PTPRD: variants seen among roughly 807,000 people sequenced by gnomAD.
PTPRD encodes protein tyrosine phosphatase receptor type D.
Under a neutral mutation model 214.5 loss-of-function variants are expected in PTPRD, and 34 were observed. The ratio of observed to expected loss-of-function variants is 0.16; its 90% confidence interval spans 0.12 to 0.21. The LOEUF (loss-of-function observed/expected upper bound fraction) is 0.21, where lower values mean the gene tolerates loss of function less well. PTPRD is among the 10% of genes least tolerant of loss of function. The pLI, the probability that PTPRD is intolerant of heterozygous loss-of-function variation, is 1.00. For missense variants in PTPRD, 2,545 were observed against 2,398.7 expected (o/e 1.06, Z -1.27); for synonymous variants, 1,128 against 845.7 (o/e 1.33, Z -5.79).
At chr9:9,492,209 T>C (rs1382750825) in intron 8 of PTPRD, among the ~76,000 whole-genome samples, 1 of 150,136 alleles carries the variant, frequency 6.7e-6, no homozygotes, top group Non-Finnish European at 1.5e-5. Flanking sequence ...CAGGAACATA[T>C]GAATAGACCT....
At chr9:9,219,079 A>G (rs957864240) in intron 9 of PTPRD, among the ~76,000 whole-genome samples, 5 of 152,154 alleles carry the variant, frequency 3.3e-5, no homozygotes. Flanking sequence ...TGCCAATTAA[A>G]ATATATTACA....
intron 8 of PTPRD, among the ~76,000 whole-genome samples, chr9:9,436,225 A>C (rs1569568305): frequency 1.3e-5 from 2 of 152,128 alleles, no homozygotes; most frequent in East Asian, 3.9e-4. Flanking sequence ...CTGCATGATA[A>C]GCTTCTAGTT....
intron 2 of PTPRD, among the ~76,000 whole-genome samples, chr9:10,473,190 G>A (rs1347087563): frequency 7.0e-6 from 1 of 142,904 alleles, no homozygotes; most frequent in Non-Finnish European, 1.5e-5. Flanking sequence ...CTGTAATTTT[G>A]TCTTTTAAAG....
At chr9:9,870,571 T>C (rs2065157863) in intron 5 of PTPRD, among the ~76,000 whole-genome samples, 1 of 152,026 alleles carries the variant, frequency 6.6e-6, no homozygotes, top group African/African-American at 2.4e-5. Flanking sequence ...TTGAGATAAT[T>C]ATAGTAATTT....
chr9:8,922,386 T>C (rs746056617), intron 11 of PTPRD, among the ~76,000 whole-genome samples: 1 of 152,196 alleles, frequency 6.6e-6, no homozygotes, highest in Non-Finnish European at 1.5e-5. Flanking sequence ...CATGCACATA[T>C]ACACACATCA....
chr9:10,596,578 T>C (rs1430485238), intron 2 of PTPRD, among the ~76,000 whole-genome samples: 1 of 151,688 alleles, frequency 6.6e-6, no homozygotes, highest in Non-Finnish European at 1.5e-5. Context: ...AATGGCATAA[T>C]TTAATGATTA....
intron 18 of PTPRD, among the ~76,000 whole-genome samples, chr9:8,524,116 G>A (rs565448622): frequency 1.3e-5 from 2 of 151,444 alleles, no homozygotes; most frequent in South Asian, 2.1e-4. Flanking sequence ...GAGAACTCTC[G>A]GGAAGAGGAA....
chr9:9,444,466 A>G (rs906300300), intron 8 of PTPRD, among the ~76,000 whole-genome samples: 3 of 152,304 alleles, frequency 2.0e-5, no homozygotes, highest in South Asian at 2.1e-4. Flanking sequence ...TGTGCCTAGC[A>G]TGGCATTTTA....
intron 5 of PTPRD, among the ~76,000 whole-genome samples, chr9:9,902,022 A>C (rs904844332): frequency 1.3e-5 from 2 of 152,168 alleles, no homozygotes; most frequent in Non-Finnish European, 2.9e-5. Context: ...GAACTCTTTG[A>C]AATCAGACTT....
At chr9:10,411,819 T>A (rs999706769) in intron 2 of PTPRD, among the ~76,000 whole-genome samples, 8 of 151,790 alleles carry the variant, frequency 5.3e-5, no homozygotes, top group African/African-American at 1.9e-4. Context: ...ATGATTATGA[T>A]CAAGTTAAAA....
chr9:8,806,734 A>G (rs773511447), intron 11 of PTPRD, among the ~76,000 whole-genome samples: 2 of 152,218 alleles, frequency 1.3e-5, no homozygotes, highest in Non-Finnish European at 2.9e-5. Flanking sequence ...AATGTGTTCC[A>G]TCTGATTAAA....
chr9:9,626,438 C>T (rs1191987767), intron 7 of PTPRD, among the ~76,000 whole-genome samples: 1 of 152,152 alleles, frequency 6.6e-6, no homozygotes, highest in South Asian at 2.1e-4. Context: ...CATGTACATG[C>T]AAATTCTTAC....
chr9:8,413,855 T>A (rs1387526365), intron 35 of PTPRD, among the ~76,000 whole-genome samples: 1 of 152,168 alleles, frequency 6.6e-6, no homozygotes, highest in Non-Finnish European at 1.5e-5. Context: ...TTAGTATTTT[T>A]AAATGTATAT....
chr9:10,204,967 A>G (rs1163464918), intron 3 of PTPRD, among the ~76,000 whole-genome samples: 1 of 152,158 alleles, frequency 6.6e-6, no homozygotes, highest in Non-Finnish European at 1.5e-5. Flanking sequence ...ATGATTTTTT[A>G]TAAGGAACAT....
chr9:8,834,508 G>T (rs777595694), intron 11 of PTPRD, among the ~76,000 whole-genome samples: 18 of 152,018 alleles, frequency 1.2e-4, no homozygotes, highest in Admixed American at 3.3e-4. Flanking sequence ...TTCTATAAAG[G>T]GAGGAATTAC....
At chr9:9,689,362 A>G (rs751500076) in intron 7 of PTPRD, among the ~76,000 whole-genome samples, 4 of 151,928 alleles carry the variant, frequency 2.6e-5, no homozygotes, top group Non-Finnish European at 5.9e-5. Context: ...AATTAAATAT[A>G]TATGCATTTT....
intron 10 of PTPRD, among the ~76,000 whole-genome samples, chr9:9,068,696 C>T (rs1356585354): frequency 6.6e-6 from 1 of 152,072 alleles, no homozygotes; most frequent in African/African-American, 2.4e-5. Flanking sequence ...ACTGCAGTCT[C>T]CGTCTCCCTG....
At chr9:9,201,862 C>A (rs926222565) in intron 9 of PTPRD, among the ~76,000 whole-genome samples, 32 of 152,132 alleles carry the variant, frequency 2.1e-4, no homozygotes, top group African/African-American at 7.7e-4. Context: ...TGCAGAAAGC[C>A]TACAACTGGA....
intron 2 of PTPRD, among the ~76,000 whole-genome samples, chr9:10,588,427 T>TACACACACACACACACACACAC (rs3076471): frequency 2.7e-5 from 4 of 146,610 alleles, no homozygotes; most frequent in South Asian, 2.2e-4. Context: ...TGGCTTATTG[T>TACACACACACACACACACACAC]ACACACACAC....
Sources: gnomAD v4.1 joint callset for allele counts (sites outside exome capture counted in the v4.1 genomes callset) on GRCh38, gnomAD v4.1.1 for gene constraint, MANE v1.5 for transcripts, NCBI Gene and HGNC (gene_info 2026-07-23, HGNC 2026-07-21) for gene names.